HFM1: variants seen among roughly 807,000 people sequenced by gnomAD.
HFM1 encodes helicase for meiosis 1, also known as probable ATP-dependent DNA helicase HFM1.
Under a neutral mutation model 192.1 loss-of-function variants are expected in HFM1, and 169 were observed. The observed-to-expected ratio is 0.88, with a 90% CI of 0.78 to 1.00. The LOEUF is 1.00. Among genes scored for constraint, HFM1 ranks in the 50% least tolerant of loss-of-function variants. The probability of loss-of-function intolerance (pLI) is 0.00; values close to 1 mark genes in which losing one functional copy is unlikely to be tolerated. For missense variants in HFM1, 1,661 were observed against 1,668.0 expected (o/e 1.00, Z 0.07); for synonymous variants, 525 against 537.8 (o/e 0.98, Z 0.33).
chr1:91,289,758 G>A (rs926759351), intron 30 of HFM1, among the ~76,000 whole-genome samples: 1 of 152,150 alleles, frequency 6.6e-6, no homozygotes, highest in Non-Finnish European at 1.5e-5. Flanking sequence ...CACTCGGCAG[G>A]CTGAGGCAGG....
At chr1:91,263,254 C>T (rs1410450469) in intron 36 of HFM1, among the ~76,000 whole-genome samples, 1 of 152,038 alleles carries the variant, frequency 6.6e-6, no homozygotes, top group Non-Finnish European at 1.5e-5. Flanking sequence ...AAAAGATGAT[C>T]ATCAATGCAT....
At chr1:91,397,622 G>A (rs558718769) in intron 2 of HFM1, among the ~76,000 whole-genome samples, 40 of 152,258 alleles carry the variant, frequency 2.6e-4, no homozygotes, top group Non-Finnish European at 3.2e-4. Flanking sequence ...ATCTGGCAAC[G>A]TCTAACAGAC....
intron 30 of HFM1, among the ~76,000 whole-genome samples, chr1:91,281,961 T>A (rs1487496078): frequency 1.3e-5 from 2 of 152,250 alleles, no homozygotes; most frequent in East Asian, 1.9e-4. Flanking sequence ...ATTACATTTT[T>A]AAATTTTTGT....
chr1:91,350,986 A>T (rs950937164), intron 17 of HFM1, 115 bp from the exon 18 acceptor site: 2 of 824,582 alleles, frequency 2.4e-6, no homozygotes, highest in African/African-American at 3.5e-5. Context: ...ATGAAATATA[A>T]CTTAATTTCC....
At chr1:91,306,005 A>T (rs768305983) in intron 30 of HFM1, among the ~76,000 whole-genome samples, 2 of 152,216 alleles carry the variant, frequency 1.3e-5, no homozygotes. Context: ...ATCGAGTATG[A>T]CATTTGCTAT....
rs1648486976 is a variant in HFM1, at chr1:91,300,238, A to T, written c.3391+13111T>A. On this transcript the variant is annotated intron_variant, in intron 30 of 38. Transcript: ENST00000370425. ...ACCCTCCCAAGACTAAACCAGGAAG[A>T]AGCTGAATCTCTGAATAGACCAATA... Among the ~76,000 whole-genome samples the T allele has an allele frequency of 1.3e-5, 2 of 152,250 alleles. 1 individual carries two copies. Among genetic ancestry groups the T allele is most frequent in the South Asian group, 4.1e-4 (2 of 4,834 alleles).
intron 13 of HFM1, among the ~76,000 whole-genome samples, chr1:91,361,950 T>C (rs1380304284): frequency 1.3e-5 from 2 of 151,446 alleles, no homozygotes; most frequent in African/African-American, 4.8e-5. Context: ...AAAGACATTA[T>C]TATCCCAATA....
chr1:91,361,574 C>CA (rs938309009), intron 13 of HFM1, among the ~76,000 whole-genome samples: 7 of 151,972 alleles, frequency 4.6e-5, no homozygotes, highest in South Asian at 2.1e-4. Context: ...GCTTACCAAC[C>CA]AAAAAAAGCC....
At chr1:91,266,891 C>A (rs1665816550) in intron 35 of HFM1, among the ~76,000 whole-genome samples, 1 of 152,170 alleles carries the variant, frequency 6.6e-6, no homozygotes, top group Admixed American at 6.5e-5. Flanking sequence ...CTGTTCTTTT[C>A]AGAAGCAGTA....
At chr1:91,305,433 A>G (rs959276869) in intron 30 of HFM1, among the ~76,000 whole-genome samples, 1 of 152,216 alleles carries the variant, frequency 6.6e-6, no homozygotes, top group South Asian at 2.1e-4. Context: ...ATGCTATTGT[A>G]CAATTGTTTT....
intron 36 of HFM1, 54 bp downstream of exon 36, chr1:91,265,963 G>A: frequency 6.4e-7 from 1 of 1,566,772 alleles, no homozygotes; most frequent in East Asian, 2.4e-5. Flanking sequence ...CTCCAACTAT[G>A]TGTCAAGGGG....
chr1:91,396,694 T>TA (rs1663704244), intron 2 of HFM1, among the ~76,000 whole-genome samples: 1 of 152,194 alleles, frequency 6.6e-6, no homozygotes, highest in Non-Finnish European at 1.5e-5. Context: ...TGCTCCAATA[T>TA]AAAAACAAAG....
Position 91,287,611 on chromosome 1 carries a change from C to T in HFM1, c.3392-10549G>A, listed in dbSNP as rs190889970. Among the ~76,000 whole-genome samples the T allele has an allele frequency of 2.2e-3, 336 of 152,304 alleles. 3 individuals carry two copies. Among genetic ancestry groups the T allele is most frequent in the African/African-American group, 7.6e-3 (316 of 41,562 alleles). Reference sequence around the variant, plus strand: ...GAAACTAAAAAGCAGAGCACCTCTCCTCCTCTAAAGGAACGCAGTTCCTCA... The same window carrying T: ...GAAACTAAAAAGCAGAGCACCTCTCTTCCTCTAAAGGAACGCAGTTCCTCA... On this transcript the variant is annotated intron_variant, in intron 30 of 38. Transcript: ENST00000370425.
At chr1:91,404,492 C>A in intron 1 of HFM1, 1 of 208,244 alleles carries the variant, frequency 4.8e-6, no homozygotes, top group Non-Finnish European at 9.7e-6. Context: ...CACCAATCAG[C>A]CGACTTTAGG....
At chr1:91,289,916 T>C (rs1214730044) in intron 30 of HFM1, among the ~76,000 whole-genome samples, 1 of 151,762 alleles carries the variant, frequency 6.6e-6, no homozygotes, top group Non-Finnish European at 1.5e-5. Context: ...AAGAAAATAA[T>C]TTTCAGCCCA....
chr1:91,334,883 C>A (rs1381495111), intron 20 of HFM1, among the ~76,000 whole-genome samples: 1 of 150,688 alleles, frequency 6.6e-6, no homozygotes, highest in Non-Finnish European at 1.5e-5. Flanking sequence ...GAGCCGAGAT[C>A]GTGCCACTGT....
chr1:91,387,535 T>C (rs1662372860), intron 4 of HFM1, among the ~76,000 whole-genome samples: 1 of 152,040 alleles, frequency 6.6e-6, no homozygotes, highest in Non-Finnish European at 1.5e-5. Context: ...ACACCTGCGT[T>C]ACCGTTTGAC....
chr1:91,314,020 T>C lies in HFM1; in HGVS notation c.3181A>G (p.Ile1061Val), dbSNP rs779776511. 2.5e-6 allele frequency: 4 copies of C among 1,611,196 alleles called. No homozygotes were observed. Among genetic ancestry groups the C allele is most frequent in the South Asian group, 2.2e-5 (2 of 90,658 alleles). ...GATTTAAGAGCTCTTTTCACAGCAA[T>C]CTTTTTAGCCCAACTTCCAGCTTTT... Reference protein sequence around the residue: ...LLKAGSWAKKIAVKRALKSED... With the variant: ...LLKAGSWAKKVAVKRALKSED... Residue 1061 changes from isoleucine to valine, a missense_variant, in exon 29 of 39, where the codon ATT becomes GTT. Ile to Val is a conservative substitution (Grantham distance 29). Transcript: ENST00000370425.
chr1:91,380,045 T>C, intron 8 of HFM1, 59 bp downstream of exon 8: 3 of 787,760 alleles, frequency 3.8e-6, no homozygotes, highest in Non-Finnish European at 5.6e-6. Flanking sequence ...ATTTCTTCAT[T>C]TTGCTTCAAT....
Sources: allele counts gnomAD v4.1 joint callset (sites outside exome capture counted in the v4.1 genomes callset), GRCh38; gene constraint gnomAD v4.1.1; transcripts MANE v1.5; gene names NCBI Gene and HGNC (gene_info 2026-07-23, HGNC 2026-07-21).